Variants in TBC1D10B observed in about 807,000 individuals in gnomAD.
TBC1D10B encodes TBC1 domain family member 10B.
In TBC1D10B, 25 loss-of-function variants were observed where a neutral mutation model predicts 78.4. The ratio of observed to expected loss-of-function variants is 0.32; its 90% CI spans 0.23 to 0.45. TBC1D10B has a LOEUF of 0.45. Among genes scored for constraint, TBC1D10B ranks in the 20% least tolerant of loss-of-function variants. The pLI is 1.00. For missense variants in TBC1D10B, 996 were observed against 1,104.8 expected, an observed-to-expected ratio of 0.90 and a Z score of 1.40; for synonymous variants, 517 against 478.0, an observed-to-expected ratio of 1.08 and a Z score of -1.06.
chr16:30,369,359 G>T lies in TBC1D10B; in HGVS notation c.825C>A (p.Leu275=). 1 of 1,596,762 alleles carries T rather than the reference G, an allele frequency of 6.3e-7. No homozygotes were observed. ...CCAAGGACTCCAAGGTCCCAGACAT[G>T]AGGCTCACGGAGTCCAAGTAACTCA... ...DTLSYLDSVS[L]MSGTLESLAD... The change falls in exon 1 of 9, where the codon CTC becomes CTA. Residue 275 remains leucine, a synonymous_variant. Coordinates refer to ENST00000409939, the MANE Select transcript of TBC1D10B (RefSeq NM_015527.4). This position sits in a 1 kb window ranked among gnomAD's most constrained non-coding sequence, Gnocchi z 4.3.
At chr16:30,361,243 AG>A (rs1223445528) in intron 4 of TBC1D10B, among the ~76,000 whole-genome samples, 5 of 152,150 alleles carry the variant, frequency 3.3e-5, no homozygotes, top group Non-Finnish European at 7.4e-5. Flanking sequence ...CAGTGAGCCA[AG>A]ATCACACCAC....
In TBC1D10B at chr16:30,358,391, G is replaced by T. The variant is rs768505425; in HGVS notation, c.1980C>A (p.Leu660=). 4.5e-6 allele frequency: 7 copies of T among 1,567,402 alleles called. No homozygotes were observed. Among genetic ancestry groups the T allele is most frequent in the Non-Finnish European group, 3.5e-6 (4 of 1,156,766 alleles). ...CTCGGCTCTTGAGGCCAGGGAGGCTGAGGAGGCTGGAGGAGGGGCCCAGGG... is the reference window on the plus strand; with the variant it reads ...CTCGGCTCTTGAGGCCAGGGAGGCTTAGGAGGCTGGAGGAGGGGCCCAGGG... ...QPPLGPSSSL[L]SLPGLKSRGS... Residue 660 remains leucine, a synonymous_variant, in exon 9 of 9, where the codon CTC becomes CTA. Transcript: ENST00000409939.
Position 30,369,808 on chromosome 16 carries a change from G to A in TBC1D10B, c.376C>T (p.Leu126=), listed in dbSNP as rs1410816884. 2 of 1,425,858 alleles carry A rather than the reference G, an allele frequency of 1.4e-6. No individual in the cohort carries two copies. The highest frequency in any genetic ancestry group is 1.5e-5 in the South Asian group (1 of 66,158). 88.3% of individuals were successfully genotyped at this position (1,425,858 alleles called of 1,614,324 possible). Residue 126 remains leucine (L), a synonymous_variant, in exon 1 of 9, where the codon CTG becomes TTG. Transcript: ENST00000409939. The surrounding 1 kb of genome is among the most constrained non-coding windows in gnomAD (Gnocchi z 4.3). ...AVAGVETSRA[L]AAGADSPKTE... is the part of the protein sequence containing the mutation. ...TTCGGCGAGTCTGCCCCTGCGGCCA[G>A]AGCCCTCGATGTCTCAACTCCAGCC... is the stretch of plus-strand genomic sequence containing the variant.
rs775766514 is a variant in TBC1D10B at position 30,358,864 on chromosome 16, C to G, written c.1643-47G>C. Reference sequence around the variant, plus strand: ...AGCATGGGGTGGTCAGACCCAAGATCTCAGCCTGTCCTGATCAGGATAGAC... The same window carrying G: ...AGCATGGGGTGGTCAGACCCAAGATGTCAGCCTGTCCTGATCAGGATAGAC... On this transcript the variant is annotated intron_variant, in intron 7 of 8. Coordinates refer to ENST00000409939, the MANE Select transcript of TBC1D10B (RefSeq NM_015527.4). 6 of 1,558,458 alleles carry G rather than the reference C, an allele frequency of 3.8e-6. No individual in the cohort carries two copies. In the East Asian group the frequency reaches 9.3e-5, roughly 24 times the overall value.
Position 30,369,650 on chromosome 16 carries a change from T to C in TBC1D10B, c.534A>G (p.Thr178=), listed in dbSNP as rs1035740181. The stretch of plus-strand genomic sequence containing the variant: ...TCCGTGCAGTCACTCCTGAGGCCAC[T>C]GTGGTTCCCGGCTTGGGGGCAAGCG... ...KPPLAPKPGT[T]VASGVTARSA... is the part of the protein sequence containing the mutation. The change falls in exon 1 of 9, where the codon ACA becomes ACG. Residue 178 remains threonine, a synonymous_variant. Transcript: ENST00000409939. This position sits in a 1 kb window ranked among gnomAD's most constrained non-coding sequence, Gnocchi z 4.3. 5 of 1,533,172 alleles carry C rather than the reference T, an allele frequency of 3.3e-6. No individual in the cohort carries two copies. Among genetic ancestry groups the C allele is most frequent in the Non-Finnish European group, 4.4e-6 (5 of 1,137,526 alleles). The allele number at this position is 1,533,172 out of a possible 1,614,324, so 95.0% of individuals were successfully genotyped here.
In TBC1D10B at chr16:30,369,127, CTGGGCTG is replaced by C. The variant is rs2049661760; in HGVS notation, c.956+94_956+100del. On this transcript the variant is annotated intron_variant, in intron 1 of 8. Transcript: ENST00000409939. The surrounding 1 kb of genome is among the most constrained non-coding windows in gnomAD (Gnocchi z 4.3). ...TCACCCCGTGGATCCTCAGAGGAGG[CTGGGCTG>C]CCAGAGTCTGGGCAAAGTGTATCGT... is the stretch of plus-strand genomic sequence containing the variant. 7.9e-7 allele frequency: 1 copy of C among 1,257,926 alleles called. No individual in the cohort carries two copies. Among genetic ancestry groups the C allele is most frequent in the Admixed American group, 2.8e-5 (1 of 35,434 alleles). The allele number at this position is 1,257,926 out of a possible 1,614,324, so 77.9% of individuals were successfully genotyped here.
Position 30,369,305 on chromosome 16 carries a change from A to G in TBC1D10B, c.879T>C (p.Asp293=). 2 of 1,592,320 alleles carry G rather than the reference A, an allele frequency of 1.3e-6. No individual in the cohort carries two copies. The highest frequency in any genetic ancestry group is 1.7e-6 in the Non-Finnish European group (2 of 1,169,872). ...GCAGGGCCAGCCCGTTTATCTCTGA[A>G]TCTGAGCCCATGGAGCTCACATCAT... ...LADDVSSMGS[D]SEINGLALRK... The change falls in exon 1 of 9, where the codon GAT becomes GAC. Residue 293 remains aspartate, a synonymous_variant. Transcript: ENST00000409939. This position sits in a 1 kb window ranked among gnomAD's most constrained non-coding sequence, Gnocchi z 4.3.
chr16:30,364,792 T>C (rs921480531), intron 4 of TBC1D10B, 108 bp downstream of exon 4: 11 of 946,462 alleles, frequency 1.2e-5, no homozygotes, highest in Non-Finnish European at 1.8e-5. Context: ...CTTCTACAAG[T>C]CCTGAAGGGC....
Position 30,369,341 on chromosome 16 carries a change from C to G in TBC1D10B, c.843G>C (p.Glu281Asp), listed in dbSNP as rs745900790. 8.8e-6 allele frequency: 14 copies of G among 1,598,280 alleles called. No homozygotes were observed. The highest frequency in any genetic ancestry group is 1.1e-5 in the Non-Finnish European group (13 of 1,172,612). ...TGGAGCTCACATCATCCGCCAAGGACTCCAAGGTCCCAGACATGAGGCTCA... is the reference window on the plus strand; with the variant it reads ...TGGAGCTCACATCATCCGCCAAGGAGTCCAAGGTCCCAGACATGAGGCTCA... ...DSVSLMSGTLESLADDVSSMG... is the reference protein window; with the variant it reads ...DSVSLMSGTLDSLADDVSSMG... Residue 281 changes from glutamate to aspartate, a missense_variant, in exon 1 of 9, where the codon GAG becomes GAC. By Grantham distance (45) the Glu-to-Asp change is conservative. Transcript: ENST00000409939. This position sits in a 1 kb window ranked among gnomAD's most constrained non-coding sequence, Gnocchi z 4.3.
Position 30,358,093 on chromosome 16 carries a change from G to A in TBC1D10B, c.2278C>T (p.Arg760Ter), listed in dbSNP as rs1374319497. 6.4e-7 allele frequency: 1 copy of A among 1,550,600 alleles called. No individual in the cohort carries two copies. The highest frequency in any genetic ancestry group is 8.7e-7 in the Non-Finnish European group (1 of 1,146,056). ...TGCCGCTCCTTCTCCTGCTTCTCTC[G>A]CTCCTTTTCCTGCTTCTCTCGCTCT... ...EKEREKQEKE[R>*]EKQEKERQKQ... The change falls in exon 9 of 9, where the codon CGA (arginine) becomes TGA (stop). Residue 760 changes from arginine (R) to a stop codon, truncating the protein, a stop_gained. Transcript: ENST00000409939. LOFTEE classifies it high-confidence loss of function.
rs1176113078 is a variant in TBC1D10B, at chr16:30,358,218, C to T, written c.2153G>A (p.Ser718Asn). ...PTGNSTPLGS[S>N]KETRKQEKER... ...CTTCTCCTGCTTCCGGGTCTCCTTG[C>T]TGGAACCCAAGGGGGTGCTATTGCC... The change falls in exon 9 of 9, where the codon AGC (serine) becomes AAC (asparagine). Residue 718 changes from serine (S) to asparagine (N), a missense_variant. Physicochemically the swap from Ser to Asn is conservative, Grantham distance 46 (BLOSUM62 1). This residue lies in a region of TBC1D10B where 285 missense variants were observed against 252.5 expected (regional missense o/e 1.13). Transcript: ENST00000409939. 6.4e-7 allele frequency: 1 copy of T among 1,553,948 alleles called. No homozygotes were observed.
rs1194400393 is a variant in TBC1D10B, at chr16:30,369,207, T to C, written c.956+21A>G. On this transcript the variant is annotated intron_variant, in intron 1 of 8. Coordinates refer to ENST00000409939, the MANE Select transcript of TBC1D10B (RefSeq NM_015527.4). This position sits in a 1 kb window ranked among gnomAD's most constrained non-coding sequence, Gnocchi z 4.3. The stretch of plus-strand genomic sequence containing the variant: ...CTTTGCTTCCCCGAGGCGGTCCCGC[T>C]GGGTGCCCACTGGTACTCACAGGCT... 5 of 1,549,074 alleles carry C rather than the reference T, an allele frequency of 3.2e-6. No individual in the cohort carries two copies. The highest frequency in any genetic ancestry group is 1.2e-5 in the South Asian group (1 of 81,676).
chr16:30,367,462 G>A (rs965309841), intron 1 of TBC1D10B: 1 of 152,168 alleles, frequency 6.6e-6, no homozygotes, highest in African/African-American at 2.4e-5. Context: ...TAAGAGGAGC[G>A]ATAACTGTAA....
chr16:30,366,535 C>T (rs1466458302), intron 1 of TBC1D10B: 1 of 151,930 alleles, frequency 6.6e-6, no homozygotes, highest in Non-Finnish European at 1.5e-5. Flanking sequence ...AAATAAAATA[C>T]AGAACAAATG....
At chr16:30,361,372 G>A (rs1344963262) in intron 4 of TBC1D10B, among the ~76,000 whole-genome samples, 5 of 152,176 alleles carry the variant, frequency 3.3e-5, no homozygotes, top group South Asian at 2.1e-4. Flanking sequence ...TAGACTCACT[G>A]TCTTCAATTT....
intron 4 of TBC1D10B, 57 bp from the exon 5 acceptor site, chr16:30,359,898 A>G: frequency 6.9e-7 from 1 of 1,439,740 alleles, no homozygotes; most frequent in Non-Finnish European, 9.5e-7. Context: ...TCTGTCCCCA[A>G]ACCCAGTTCC....
Position 30,357,349 on chromosome 16 carries a change from A to C in TBC1D10B, c.*595T>G. ...TGGAGGGAGCACAGCAGGGTGCAGG[A>C]AGGGAGATGGGGGACATTTCCTATT... On this transcript the variant is annotated 3_prime_UTR_variant, in exon 9 of 9. Transcript: ENST00000409939. 6.2e-6 allele frequency: 1 copy of C among 161,304 alleles called. No homozygotes were observed. Among genetic ancestry groups the C allele is most frequent in the Non-Finnish European group, 1.4e-5 (1 of 72,344 alleles). 10.0% of individuals were successfully genotyped at this position (161,304 alleles called of 1,614,324 possible).
In TBC1D10B at chr16:30,370,028, C is replaced by G. The variant is rs374390807; in HGVS notation, c.156G>C (p.Leu52=). The G allele has an allele frequency of 2.6e-4, 315 of 1,231,312 alleles. 4 individuals are homozygous for G. The East Asian group carries it at 5.2e-3, about 20-fold the overall frequency. The allele number at this position is 1,231,312 out of a possible 1,614,324, so 76.3% of individuals were successfully genotyped here. A position where few individuals can be genotyped will look rare whatever the true frequency, so the allele number is the denominator to read the frequency against. ...VTTATSAPVT[L]VAPGEARPAW... is the part of the protein sequence containing the mutation. ...CGGGCCGCGCCTCCCCGGGGGCCAC[C>G]AGGGTGACGGGGGCCGAAGTGGCCG... Residue 52 remains leucine (L), a synonymous_variant, in exon 1 of 9, where the codon CTG becomes CTC. Coordinates refer to ENST00000409939, the MANE Select transcript of TBC1D10B (RefSeq NM_015527.4).
chr16:30,369,685 C>T lies in TBC1D10B; in HGVS notation c.499G>A (p.Ala167Thr). 1 of 1,528,270 alleles carries T rather than the reference C, an allele frequency of 6.5e-7. No homozygotes were observed. The allele number at this position is 1,528,270 out of a possible 1,614,324, so 94.7% of individuals were successfully genotyped here. ...GGCTTGGGGGCAAGCGGGGGTTTGG[C>T]GGTCAGGGCACCAGGAGCCGTTCTG... is the stretch of plus-strand genomic sequence containing the variant. ...PSRTAPGALT[A>T]KPPLAPKPGT... Residue 167 changes from alanine to threonine, a missense_variant, in exon 1 of 9, where the codon GCC (alanine) becomes ACC (threonine). Coordinates refer to ENST00000409939, the MANE Select transcript of TBC1D10B (RefSeq NM_015527.4). The surrounding 1 kb of genome is among the most constrained non-coding windows in gnomAD (Gnocchi z 4.3).
Sources: allele counts gnomAD v4.1 joint callset (sites outside exome capture counted in the v4.1 genomes callset), GRCh38; gene constraint gnomAD v4.1.1; regional missense constraint gnomAD v4.1.1; non-coding constraint Gnocchi (gnomAD v3.1); transcripts MANE v1.5; gene names NCBI Gene and HGNC (gene_info 2026-07-23, HGNC 2026-07-21).